DIAPH1: variants seen among roughly 807,000 people sequenced by gnomAD.
DIAPH1 encodes diaphanous related formin 1.
DIAPH1 carries 46 observed loss-of-function variants against 140.7 expected under a neutral mutation model. The observed-to-expected ratio is 0.33, with a 90% CI of 0.26 to 0.42. DIAPH1 has a LOEUF of 0.42. Ranked by LOEUF, DIAPH1 falls within the 10% of genes least tolerant of loss-of-function variation. The pLI is 1.00. For missense variants in DIAPH1, 1,310 were observed against 1,558.7 expected (o/e 0.84, Z 2.69); for synonymous variants, 565 against 551.6 (o/e 1.02, Z -0.34).
chr5:141,613,953 A>T (rs1452256916), intron 1 of DIAPH1, among the ~76,000 whole-genome samples: 1 of 152,220 alleles, frequency 6.6e-6, no homozygotes, highest in East Asian at 1.9e-4. Flanking sequence ...GAAAGGAATA[A>T]AAACACAGGG....
chr5:141,591,495 T>C (rs1005112070), intron 1 of DIAPH1, among the ~76,000 whole-genome samples: 14 of 151,206 alleles, frequency 9.3e-5, no homozygotes, highest in Admixed American at 2.6e-4. Context: ...CTCTTCATTA[T>C]ATCAATGAAG....
chr5:141,518,375 A>C (rs1456930198), intron 27 of DIAPH1, among the ~76,000 whole-genome samples: 1 of 150,960 alleles, frequency 6.6e-6, no homozygotes, highest in African/African-American at 2.4e-5. Context: ...AGAAAGCAGT[A>C]CCGGAATGTT....
At chr5:141,550,964 TGTTCCC>T (rs2099891592) in intron 18 of DIAPH1, among the ~76,000 whole-genome samples, 3 of 152,238 alleles carry the variant, frequency 2.0e-5, no homozygotes, top group Admixed American at 6.5e-5. Flanking sequence ...TAACAGGAAC[TGTTCCC>T]AATTAAATGA....
rs111506608 is a variant in DIAPH1 at position 141,595,417 on chromosome 5, GCT to G, written c.118-7169_118-7168del. ...GGGGGAGGCCATGCGATATGGTTTGGCTCTGTGTCCCCACCCAAATCTCACCT... is the reference window on the plus strand; with the variant it reads ...GGGGGAGGCCATGCGATATGGTTTGGCTGTGTCCCCACCCAAATCTCACCT... On this transcript the variant is annotated intron_variant, in intron 1 of 27. Transcript: ENST00000389054. 1.5e-3 allele frequency among the ~76,000 whole-genome samples: 226 copies of G among 152,276 alleles called. 1 individual carries two copies. Among genetic ancestry groups the G allele is most frequent in the African/African-American group, 5.2e-3 (217 of 41,556 alleles).
chr5:141,596,565 TAAC>T (rs1417943540), intron 1 of DIAPH1, among the ~76,000 whole-genome samples: 31 of 152,132 alleles, frequency 2.0e-4, no homozygotes, highest in Admixed American at 1.4e-3. Context: ...CTGCAATTCA[TAAC>T]AATATAAAAA....
chr5:141,602,943 C>G (rs774564977), intron 1 of DIAPH1, among the ~76,000 whole-genome samples: 5 of 152,106 alleles, frequency 3.3e-5, no homozygotes, highest in African/African-American at 4.8e-5. Context: ...CTGCAGCCTA[C>G]ACAGGCGTTG....
chr5:141,583,374 T>C, intron 5 of DIAPH1, 82 bp from the exon 6 acceptor site: 1 of 1,603,082 alleles, frequency 6.2e-7, no homozygotes, highest in Non-Finnish European at 8.5e-7. Context: ...GACAACTTAC[T>C]ACTCCCAATT....
intron 18 of DIAPH1, among the ~76,000 whole-genome samples, chr5:141,543,711 A>C (rs1432712388): frequency 6.6e-6 from 1 of 152,208 alleles, no homozygotes; most frequent in Non-Finnish European, 1.5e-5. Flanking sequence ...TATTAAATGC[A>C]TTCCAACTTA....
At chr5:141,539,654 G>A (rs1242894057) in intron 18 of DIAPH1, among the ~76,000 whole-genome samples, 1 of 151,960 alleles carries the variant, frequency 6.6e-6, no homozygotes, top group Non-Finnish European at 1.5e-5. Flanking sequence ...TCTTGCGTCA[G>A]TTTTGGTAGT....
At chr5:141,548,443 T>A (rs1215401755) in intron 18 of DIAPH1, among the ~76,000 whole-genome samples, 1 of 152,192 alleles carries the variant, frequency 6.6e-6, no homozygotes, top group Middle Eastern at 3.4e-3. Context: ...TACAAAAATG[T>A]AGACAGGAAG....
At chr5:141,558,266 TA>T (rs1294879273) in intron 18 of DIAPH1, 1 of 152,128 alleles carries the variant, frequency 6.6e-6, no homozygotes, top group Non-Finnish European at 1.5e-5. Context: ...TTATGATCAG[TA>T]ATAGTTTCTA....
chr5:141,525,972 G>T, intron 26 of DIAPH1, 66 bp downstream of exon 26: 9 of 1,608,930 alleles, frequency 5.6e-6, no homozygotes, highest in Non-Finnish European at 7.6e-6. Flanking sequence ...TCTGCCTCTA[G>T]ACTCTAGGCA....
Position 141,575,037 on chromosome 5 carries a change from T to A in DIAPH1, c.1571A>T (p.His524Leu), listed in dbSNP as rs369527502. 15 of 1,614,108 alleles carry A rather than the reference T, an allele frequency of 9.3e-6. No homozygotes were observed. The African/African-American group carries it at 1.7e-4, about 19-fold the overall frequency. ...TGTGGCAATTTGCTGCTTTTCAGAA[T>A]GCAGTGCATCTTTTTCTCCCTGAAG... is the stretch of plus-strand genomic sequence containing the variant. ...QDLQGEKDAL[H>L]SEKQQIATEK... Residue 524 changes from histidine to leucine, a missense_variant, in exon 15 of 28, where the codon CAT (histidine) becomes CTT (leucine). Physicochemically the swap from His to Leu is moderately conservative, Grantham distance 99. Transcript: ENST00000389054.
intron 1 of DIAPH1, among the ~76,000 whole-genome samples, chr5:141,594,190 C>A (rs2099898937): frequency 6.6e-6 from 1 of 152,180 alleles, no homozygotes; most frequent in African/African-American, 2.4e-5. Flanking sequence ...TAAACATACA[C>A]TAACATAAGA....
chr5:141,528,594 A>T lies in DIAPH1; in HGVS notation c.3019-12T>A. The T allele has an allele frequency of 6.2e-7, 1 of 1,614,226 alleles. No individual in the cohort carries two copies. Among genetic ancestry groups the T allele is most frequent in the Non-Finnish European group, 8.5e-7 (1 of 1,180,048 alleles). The stretch of plus-strand genomic sequence containing the variant: ...TTGGTGTCTCGAAGCTTAGAGAAAG[A>T]GGAGAAACTGTTAAATCCTGACATG... On this transcript the variant is annotated splice_polypyrimidine_tract_variant and intron_variant, in intron 22 of 27. Coordinates refer to ENST00000389054, the MANE Select transcript of DIAPH1 (RefSeq NM_005219.5).
chr5:141,580,035 G>T (rs1391014207), intron 8 of DIAPH1, among the ~76,000 whole-genome samples: 2 of 151,702 alleles, frequency 1.3e-5, no homozygotes, highest in Non-Finnish European at 2.9e-5. Context: ...ACATGTATAT[G>T]GAATACTAAA....
chr5:141,552,958 G>A (rs571628080), intron 18 of DIAPH1, among the ~76,000 whole-genome samples: 4 of 152,274 alleles, frequency 2.6e-5, no homozygotes, highest in Middle Eastern at 3.4e-3. Context: ...ACTCTCTTAC[G>A]GCAGCCCTAG....
chr5:141,573,856 G>C lies in DIAPH1; in HGVS notation c.1994C>G (p.Ser665Ter). Residue 665 changes from serine (S) to a stop codon, truncating the protein, a stop_gained, in exon 16 of 28, where the codon TCA (serine) becomes TGA (stop). Transcript: ENST00000389054. LOFTEE classifies it high-confidence loss of function. ...AGTACCTCCAGGCAAAGAAGAGGGTGAAGGGATGCCAACACCCTCAGGCAA... is the reference window on the plus strand; with the variant it reads ...AGTACCTCCAGGCAAAGAAGAGGGTCAAGGGATGCCAACACCCTCAGGCAA... ...PPLPEGVGIP[S>*]PSSLPGGTAI... The C allele has an allele frequency of 6.5e-7, 1 of 1,532,948 alleles. No homozygotes were observed. The allele number at this position is 1,532,948 out of a possible 1,614,324, so 95.0% of individuals were successfully genotyped here.
intron 1 of DIAPH1, among the ~76,000 whole-genome samples, chr5:141,609,166 T>C (rs1238730017): frequency 1.9e-5 from 2 of 106,794 alleles, no homozygotes; most frequent in African/African-American, 7.1e-5. Context: ...AATTACTAAA[T>C]GCAAAAAAAA....
Sources: allele counts gnomAD v4.1 joint callset (sites outside exome capture counted in the v4.1 genomes callset), GRCh38; gene constraint gnomAD v4.1.1; transcripts MANE v1.5; gene names NCBI Gene and HGNC (gene_info 2026-07-23, HGNC 2026-07-21).